Variants in SLC2A9 observed in about 807,000 individuals in gnomAD.
The protein encoded by SLC2A9 is solute carrier family 2 member 9, also known as solute carrier family 2, facilitated glucose transporter member 9.
A neutral mutation model predicts 50.6 loss-of-function variants in SLC2A9; 39 were observed. The observed-to-expected ratio is 0.77, with a 90% CI of 0.60 to 1.01. SLC2A9 has a LOEUF of 1.01. SLC2A9 is among the 50% of genes least tolerant of loss of function. SLC2A9 has a pLI of 0.00. For synonymous variants in SLC2A9, 324 were observed against 276.9 expected (o/e 1.17, Z -1.69); for missense variants, 686 against 677.6 (o/e 1.01, Z -0.14).
At chr4:9,911,597 G>A (rs1186894860) in intron 7 of SLC2A9, among the ~76,000 whole-genome samples, 2 of 152,216 alleles carry the variant, frequency 1.3e-5, no homozygotes, top group African/African-American at 4.8e-5. Context: ...CGTGGCAGGA[G>A]CAGCAGTTCT....
chr4:9,817,495 G>T (rs1299863857), intron 3 of SLC2A9, among the ~76,000 whole-genome samples: 1 of 152,176 alleles, frequency 6.6e-6, no homozygotes, highest in Non-Finnish European at 1.5e-5. Context: ...CCCAGAATGG[G>T]TCAACATATG....
chr4:9,882,544 T>C (rs1372426391), intron 10 of SLC2A9, among the ~76,000 whole-genome samples: 2 of 151,850 alleles, frequency 1.3e-5, no homozygotes, highest in East Asian at 3.9e-4. Context: ...CCATCTCTAC[T>C]AAAAATACAA....
intron 5 of SLC2A9, among the ~76,000 whole-genome samples, chr4:9,953,891 C>T (rs1165646284): frequency 2.0e-5 from 3 of 152,216 alleles, no homozygotes; most frequent in Non-Finnish European, 4.4e-5. Flanking sequence ...CTCACTACAA[C>T]CTCCACCTCC....
At chr4:9,773,151 C>G (rs1717070547) in intron 1 of SLC2A9, among the ~76,000 whole-genome samples, 2 of 152,206 alleles carry the variant, frequency 1.3e-5, no homozygotes, top group South Asian at 4.1e-4. Context: ...GGAAGAGGGA[C>G]TGAGCTTTGG....
chr4:9,833,673 C>T (rs897682085), intron 11 of SLC2A9, among the ~76,000 whole-genome samples: 1 of 152,198 alleles, frequency 6.6e-6, no homozygotes, highest in Non-Finnish European at 1.5e-5. Context: ...CCCAAGCTGG[C>T]AGCAGAATCT....
At chr4:9,788,566 G>T (rs1359262724) in intron 3 of SLC2A9, among the ~76,000 whole-genome samples, 2 of 152,022 alleles carry the variant, frequency 1.3e-5, no homozygotes, top group African/African-American at 2.4e-5. Flanking sequence ...GACATTCCAG[G>T]TATGGGACCT....
chr4:9,780,410 C>A (rs1398287210), intron 3 of SLC2A9, among the ~76,000 whole-genome samples: 1 of 151,950 alleles, frequency 6.6e-6, no homozygotes, highest in Non-Finnish European at 1.5e-5. Flanking sequence ...GATGGTCTTG[C>A]CCTCTCCAGC....
At chr4:10,037,716 A>G (rs1764150882) in intron 1 of SLC2A9, among the ~76,000 whole-genome samples, 1 of 152,210 alleles carries the variant, frequency 6.6e-6, no homozygotes, top group Admixed American at 6.5e-5. Flanking sequence ...TGGAAGGCCA[A>G]GGTGGGCAGA....
intron 5 of SLC2A9, among the ~76,000 whole-genome samples, chr4:9,950,497 A>G (rs1469415184): frequency 1.3e-5 from 2 of 152,230 alleles, no homozygotes; most frequent in Non-Finnish European, 2.9e-5. Context: ...TCTTATGGGA[A>G]AAAATGCTCA....
rs1303767313 is a variant in SLC2A9 at position 9,787,322 on chromosome 4, T to A, written n.386-7257A>T. 7.9e-5 allele frequency among the ~76,000 whole-genome samples: 12 copies of A among 152,354 alleles called. No individual in the cohort carries two copies. The East Asian group carries it at 2.3e-3, about 29-fold the overall frequency. On this transcript the variant is annotated intron_variant and non_coding_transcript_variant, in intron 3 of 3. Transcript: ENST00000503803. ...TTCATGGGAGGAGTGCCAAAGAATT[T>A]GCAGAAGAGATGTTTTACATTTTAT...
chr4:9,905,011 A>T (rs1454120238), intron 8 of SLC2A9, among the ~76,000 whole-genome samples: 1 of 152,194 alleles, frequency 6.6e-6, no homozygotes, highest in East Asian at 1.9e-4. Context: ...GTCTCCAGGA[A>T]TCCCTCCCAG....
chr4:9,851,144 C>T (rs1022438761), intron 10 of SLC2A9, among the ~76,000 whole-genome samples: 3 of 152,218 alleles, frequency 2.0e-5, no homozygotes, highest in Non-Finnish European at 4.4e-5. Flanking sequence ...GATCCCACTG[C>T]CGAAGTGCTT....
intron 1 of SLC2A9, among the ~76,000 whole-genome samples, chr4:9,774,372 A>G (rs750104566): frequency 2.0e-5 from 3 of 152,146 alleles, no homozygotes; most frequent in Non-Finnish European, 2.9e-5. Flanking sequence ...TCACACGTAA[A>G]GCTTCCTGCC....
chr4:9,838,313 C>G (rs1727423888), intron 10 of SLC2A9, among the ~76,000 whole-genome samples: 1 of 152,048 alleles, frequency 6.6e-6, no homozygotes, highest in South Asian at 2.1e-4. Context: ...AAGCATTTTA[C>G]AAGGTCTCTA....
At chr4:10,009,173 A>G (rs971040555) in intron 2 of SLC2A9, among the ~76,000 whole-genome samples, 3 of 152,168 alleles carry the variant, frequency 2.0e-5, no homozygotes, top group Non-Finnish European at 4.4e-5. Context: ...CGTTTGACAC[A>G]GTCTCTGCTC....
chr4:9,787,923 T>C (rs1719436067), intron 3 of SLC2A9, among the ~76,000 whole-genome samples: 1 of 152,228 alleles, frequency 6.6e-6, no homozygotes, highest in Non-Finnish European at 1.5e-5. Context: ...TGCTGTCCAC[T>C]GTTTTACTCT....
intron 10 of SLC2A9, among the ~76,000 whole-genome samples, chr4:9,862,434 T>A (rs193166197): frequency 6.6e-6 from 1 of 152,236 alleles, no homozygotes; most frequent in East Asian, 1.9e-4. Flanking sequence ...TCCCTGGGTG[T>A]CTCCCATGTA....
chr4:9,865,454 A>G (rs1319517645), intron 10 of SLC2A9, among the ~76,000 whole-genome samples: 4 of 152,190 alleles, frequency 2.6e-5, no homozygotes, highest in Admixed American at 6.5e-5. Context: ...ACCATTTATC[A>G]TTTCTTTCTA....
At chr4:10,033,342 C>T (rs1365941315) in intron 1 of SLC2A9, among the ~76,000 whole-genome samples, 1 of 152,182 alleles carries the variant, frequency 6.6e-6, no homozygotes, top group East Asian at 1.9e-4. Context: ...CAGGCGGCTT[C>T]CTTCTGACTC....
Sources: gnomAD v4.1 joint callset for allele counts (sites outside exome capture counted in the v4.1 genomes callset) on GRCh38, gnomAD v4.1.1 for gene constraint, MANE v1.5 for transcripts, NCBI Gene and HGNC (gene_info 2026-07-23, HGNC 2026-07-21) for gene names.